The following MAP7 variants were observed in gnomAD, a reference collection of about 807,000 sequenced individuals.
MAP7 encodes microtubule associated protein 7.
In MAP7, 52 loss-of-function variants were observed where a neutral mutation model predicts 94.8. The ratio of observed to expected loss-of-function variants is 0.55; its 90% CI spans 0.44 to 0.69. The LOEUF (loss-of-function observed/expected upper bound fraction) is 0.69. Ranked by LOEUF, MAP7 falls within the 30% of genes least tolerant of loss-of-function variation. MAP7 has a pLI of 0.00. For synonymous variants in MAP7, 350 were observed against 357.0 expected (o/e 0.98, Z 0.22); for missense variants, 940 against 964.6 (o/e 0.97, Z 0.34).
chr6:136,375,425 G>T (rs2128615273), intron 7 of MAP7, among the ~76,000 whole-genome samples: 1 of 152,284 alleles, frequency 6.6e-6, no homozygotes, highest in African/African-American at 2.4e-5. Flanking sequence ...GCTAAAAGTA[G>T]CTGTTTAATC....
intron 1 of MAP7, among the ~76,000 whole-genome samples, chr6:136,457,626 G>A (rs1018830360): frequency 1.3e-5 from 2 of 152,016 alleles, no homozygotes; most frequent in African/African-American, 4.8e-5. Flanking sequence ...TTTATCCCTG[G>A]GATGTAAGAA....
intron 1 of MAP7, among the ~76,000 whole-genome samples, chr6:136,514,097 G>A (rs1384792049): frequency 6.6e-6 from 1 of 152,096 alleles, no homozygotes; most frequent in Non-Finnish European, 1.5e-5. Flanking sequence ...TGTTCTTAAT[G>A]GCATCTGCAA....
intron 1 of MAP7, among the ~76,000 whole-genome samples, chr6:136,496,318 A>G (rs560867349): frequency 6.6e-5 from 10 of 152,354 alleles, no homozygotes; most frequent in African/African-American, 2.4e-4. Flanking sequence ...ACAATTAAGC[A>G]TCCTCTCACA....
At chr6:136,436,314 T>C (rs1796360934) in intron 1 of MAP7, among the ~76,000 whole-genome samples, 2 of 152,172 alleles carry the variant, frequency 1.3e-5, no homozygotes, top group Non-Finnish European at 2.9e-5. Flanking sequence ...AACAAATATT[T>C]GTCAGCAAAA....
At chr6:136,445,874 T>TTC (rs1276598881) in intron 1 of MAP7, among the ~76,000 whole-genome samples, 2 of 152,352 alleles carry the variant, frequency 1.3e-5, no homozygotes, top group East Asian at 3.9e-4. Context: ...AAAACTGAGT[T>TTC]TCTCCTGTCC....
At chr6:136,412,688 A>G (rs1787873434) in intron 2 of MAP7, among the ~76,000 whole-genome samples, 1 of 152,174 alleles carries the variant, frequency 6.6e-6, no homozygotes, top group Non-Finnish European at 1.5e-5. Flanking sequence ...GACGGGGCTC[A>G]TGGTTAAGGT....
At chr6:136,483,410 C>T (rs1309806485) in intron 1 of MAP7, among the ~76,000 whole-genome samples, 2 of 151,924 alleles carry the variant, frequency 1.3e-5, no homozygotes, top group Non-Finnish European at 2.9e-5. Context: ...TATTGGGTAC[C>T]ATGCTTTATT....
At chr6:136,460,542 A>G (rs527784452) in intron 1 of MAP7, among the ~76,000 whole-genome samples, 3 of 152,312 alleles carry the variant, frequency 2.0e-5, no homozygotes, top group Admixed American at 2.0e-4. Context: ...AACAGTTTAC[A>G]TATCATAGAA....
intron 1 of MAP7, among the ~76,000 whole-genome samples, chr6:136,514,307 G>A (rs1033652465): frequency 6.6e-6 from 1 of 151,978 alleles, no homozygotes; most frequent in Admixed American, 6.6e-5. Context: ...CCTTGTGGCC[G>A]GGTGCAGTGG....
intron 1 of MAP7, among the ~76,000 whole-genome samples, chr6:136,439,379 G>A (rs1350610765): frequency 6.6e-6 from 1 of 152,112 alleles, no homozygotes; most frequent in Admixed American, 6.5e-5. Flanking sequence ...CTCACCAGAC[G>A]CTGAAGGCTA....
intron 1 of MAP7, among the ~76,000 whole-genome samples, chr6:136,520,158 C>T (rs540205261): frequency 1.2e-3 from 181 of 150,168 alleles, no homozygotes; most frequent in Non-Finnish European, 2.1e-3. Context: ...CATGATCATA[C>T]CACTGCACTT....
At chr6:136,387,291 A>AT (rs1779425270) in intron 5 of MAP7, among the ~76,000 whole-genome samples, 1 of 152,194 alleles carries the variant, frequency 6.6e-6, no homozygotes, top group Non-Finnish European at 1.5e-5. Flanking sequence ...ATCCCAGGTA[A>AT]TTTTTTTAGC....
At chr6:136,470,101 C>T (rs1348695477) in intron 1 of MAP7, among the ~76,000 whole-genome samples, 6 of 152,226 alleles carry the variant, frequency 3.9e-5, no homozygotes, top group African/African-American at 1.2e-4. Context: ...TGTCTTGCCC[C>T]GCTAACATGT....
intron 1 of MAP7, among the ~76,000 whole-genome samples, chr6:136,466,369 T>C (rs1302693633): frequency 6.6e-6 from 1 of 152,136 alleles, no homozygotes; most frequent in African/African-American, 2.4e-5. Context: ...GAAATTTTTT[T>C]TGGACAGCAG....
intron 1 of MAP7, among the ~76,000 whole-genome samples, chr6:136,478,579 A>G (rs1181229328): frequency 3.9e-5 from 6 of 152,196 alleles, no homozygotes; most frequent in South Asian, 2.1e-4. Context: ...AGAAAAAAAG[A>G]GACATAATCC....
At chr6:136,445,942 G>A (rs1337093494) in intron 1 of MAP7, among the ~76,000 whole-genome samples, 3 of 152,162 alleles carry the variant, frequency 2.0e-5, no homozygotes, top group Non-Finnish European at 4.4e-5. Context: ...CAAAATGCAT[G>A]GGGATTTTTC....
chr6:136,527,266 A>G lies in MAP7; in HGVS notation c.67+23076T>C, dbSNP rs544195206. ...GACTCTCCACTTCTAGACTGCTTAAAATGTGTGCTGTCTCCAAAAAAAATT... is the reference window on the plus strand; with the variant it reads ...GACTCTCCACTTCTAGACTGCTTAAGATGTGTGCTGTCTCCAAAAAAAATT... On this transcript the variant is annotated intron_variant, in intron 1 of 17. Coordinates refer to ENST00000354570, the MANE Select transcript of MAP7 (RefSeq NM_003980.6). Among the ~76,000 whole-genome samples, 112 of 152,340 alleles carry G rather than the reference A, an allele frequency of 7.4e-4. 1 individual carries two copies. Among genetic ancestry groups the G allele is most frequent in the Admixed American group, 2.0e-3 (31 of 15,304 alleles).
intron 8 of MAP7, among the ~76,000 whole-genome samples, chr6:136,367,864 T>G (rs539755662): frequency 2.7e-5 from 4 of 145,708 alleles, no homozygotes; most frequent in East Asian, 4.1e-4. Context: ...TGGGGTTAAG[T>G]ACCTCAAGTA....
At chr6:136,392,495 A>G (rs899565103) in intron 3 of MAP7, among the ~76,000 whole-genome samples, 10 of 137,650 alleles carry the variant, frequency 7.3e-5, no homozygotes, top group African/African-American at 2.7e-4. Context: ...ATAGTATTTT[A>G]TTGTCTATAT....
Sources: allele counts gnomAD v4.1 joint callset (sites outside exome capture counted in the v4.1 genomes callset), GRCh38; gene constraint gnomAD v4.1.1; transcripts MANE v1.5; gene names NCBI Gene and HGNC (gene_info 2026-07-23, HGNC 2026-07-21).